PCBP2: variants seen among roughly 807,000 people sequenced by gnomAD.
PCBP2 encodes the protein poly(rC)-binding protein 2.
PCBP2 carries 4 observed loss-of-function variants against 50.1 expected under a neutral mutation model. The observed-to-expected ratio is 0.08, with a 90% CI of 0.04 to 0.18. PCBP2 has a LOEUF of 0.18. Among genes scored for constraint, PCBP2 ranks in the 10% least tolerant of loss-of-function variants. The pLI is 1.00. For synonymous variants in PCBP2, 179 were observed against 168.0 expected, an observed-to-expected ratio of 1.07 and a Z score of -0.51; for missense variants, 161 against 474.3, an observed-to-expected ratio of 0.34 and a Z score of 6.14.
chr12:53,474,471 T>C (rs1310648062), intron 14 of PCBP2, among the ~76,000 whole-genome samples: 1 of 152,266 alleles, frequency 6.6e-6, no homozygotes, highest in East Asian at 1.9e-4. Flanking sequence ...ATTGATTTTC[T>C]GTTAGAATAG....
chr12:53,465,472 A>G (rs1448505760), intron 9 of PCBP2, among the ~76,000 whole-genome samples: 2 of 152,142 alleles, frequency 1.3e-5, no homozygotes, highest in Non-Finnish European at 2.9e-5. Flanking sequence ...TAAGTTGGAG[A>G]AAGGGAAGTG....
chr12:53,459,451 A>G (rs1393008998), intron 6 of PCBP2, 48 bp downstream of exon 6: 2 of 1,567,252 alleles, frequency 1.3e-6, no homozygotes, highest in African/African-American at 2.7e-5. Flanking sequence ...ATTTGTTCCA[A>G]ATTGGCTCTT....
chr12:53,464,815 T>C lies in PCBP2; in HGVS notation c.635T>C (p.Met212Thr). The C allele has an allele frequency of 6.2e-7, 1 of 1,612,314 alleles. No individual in the cohort carries two copies. The highest frequency in any genetic ancestry group is 1.1e-5 in the South Asian group (1 of 90,794). The change falls in exon 9 of 15, where the codon ATG becomes ACG. Residue 212 changes from methionine (M) to threonine (T), a missense_variant. Met to Thr is a moderately conservative substitution (Grantham distance 81). Around this residue, in one of 7 missense-constraint regions of PCBP2, gnomAD observed 35 missense variants for 45.5 expected, o/e 0.77. Coordinates refer to ENST00000546463, the MANE Select transcript of PCBP2 (RefSeq NM_031989.5). Reference protein sequence around the residue: ...SASFPHTTPSMCLNPDLEGPP... With the variant: ...SASFPHTTPSTCLNPDLEGPP... ...AGCTTTCCCCACACCACCCCGTCCA[T>C]GTGCCTCAACCCTGACCTGGAGGGA...
intron 10 of PCBP2, 24 bp from the exon 11 acceptor site, chr12:53,467,197 C>T (rs373716677): frequency 1.3e-6 from 2 of 1,596,700 alleles, no homozygotes; most frequent in Admixed American, 3.4e-5. Context: ...CTTCTAATGC[C>T]AACCTCCTGT....
intron 5 of PCBP2, among the ~76,000 whole-genome samples, chr12:53,458,386 A>G (rs890460502): frequency 1.3e-5 from 2 of 151,438 alleles, no homozygotes; most frequent in African/African-American, 4.9e-5. Context: ...GCTCACAGCA[A>G]CCTCTTCCTC....
chr12:53,476,751 G>A (rs948526441), intron 14 of PCBP2, among the ~76,000 whole-genome samples: 2 of 152,190 alleles, frequency 1.3e-5, no homozygotes, highest in Admixed American at 6.5e-5. Flanking sequence ...AGTGTTACAC[G>A]TCTCAAGTAT....
Position 53,462,522 on chromosome 12 carries a change from C to T in PCBP2, c.534C>T (p.Tyr178=). 5 of 1,613,386 alleles carry T rather than the reference C, an allele frequency of 3.1e-6. No individual in the cohort carries two copies. Among genetic ancestry groups the T allele is most frequent in the Non-Finnish European group, 4.2e-6 (5 of 1,179,492 alleles). ...CCCCGAAGGGCGTGACCATCCCGTA[C>T]CGGCCCAAGCCGTCCAGCTCTCCGG... ...ESPPKGVTIP[Y]RPKPSSSPVI... Residue 178 remains tyrosine (Y), a synonymous_variant, in exon 8 of 15, where the codon TAC becomes TAT. Coordinates refer to ENST00000546463, the MANE Select transcript of PCBP2 (RefSeq NM_031989.5).
chr12:53,465,764 AT>A (rs1941775150), intron 9 of PCBP2, among the ~76,000 whole-genome samples, 167 bp from the exon 10 acceptor site: 1 of 152,224 alleles, frequency 6.6e-6, no homozygotes. Flanking sequence ...AAGAAGGCCA[AT>A]TTGGGTCTGA....
chr12:53,461,147 A>G lies in PCBP2; in HGVS notation c.504+4A>G, dbSNP rs1438856551. On this transcript the variant is annotated splice_donor_region_variant and intron_variant, in intron 7 of 14. Coordinates refer to ENST00000546463, the MANE Select transcript of PCBP2 (RefSeq NM_031989.5). ...GATCTGCGTGGTCATGTTGGAGGTA[A>G]GCCCTCAGGCTCATGCTGAAAATGG... is the stretch of plus-strand genomic sequence containing the variant. The G allele has an allele frequency of 6.2e-7, 1 of 1,613,618 alleles. No individual in the cohort carries two copies. Among genetic ancestry groups the G allele is most frequent in the African/African-American group, 1.3e-5 (1 of 74,900 alleles).
At chr12:53,468,498 TC>T (rs1376672407) in intron 12 of PCBP2, 3 of 455,492 alleles carry the variant, frequency 6.6e-6, no homozygotes, top group Non-Finnish European at 1.2e-5. Flanking sequence ...GATACCACAC[TC>T]CCTTGCCCTT....
chr12:53,473,731 A>G (rs568979920), intron 14 of PCBP2, among the ~76,000 whole-genome samples: 52 of 152,000 alleles, frequency 3.4e-4, no homozygotes, highest in Middle Eastern at 6.9e-3. Flanking sequence ...TTCTTTCTCA[A>G]CTTGGTGCAG....
chr12:53,465,928 G>A lies in PCBP2; in HGVS notation c.673-4G>A. The A allele has an allele frequency of 6.2e-7, 1 of 1,609,292 alleles. No individual in the cohort carries two copies. Among genetic ancestry groups the A allele is most frequent in the Non-Finnish European group, 8.5e-7 (1 of 1,176,950 alleles). On this transcript the variant is annotated splice_region_variant and splice_polypyrimidine_tract_variant and intron_variant, in intron 9 of 14. Coordinates refer to ENST00000546463, the MANE Select transcript of PCBP2 (RefSeq NM_031989.5). Reference sequence around the variant, plus strand: ...TAATAGGAACTGTTTTCCTCCTTTTGTAGGCCTATACCATTCAAGGACAGT... The same window carrying A: ...TAATAGGAACTGTTTTCCTCCTTTTATAGGCCTATACCATTCAAGGACAGT...
chr12:53,472,116 TG>T (rs1462107513), intron 14 of PCBP2, among the ~76,000 whole-genome samples: 1 of 152,232 alleles, frequency 6.6e-6, no homozygotes, highest in Admixed American at 6.5e-5. Context: ...AAATCAAATG[TG>T]GGTCTCTCTT....
chr12:53,462,539 G>C lies in PCBP2; in HGVS notation c.551G>C (p.Ser184Thr), dbSNP rs749400833. ...ATCCCGTACCGGCCCAAGCCGTCCA[G>C]CTCTCCGGTCATCTTTGCAGGTGGT... ...VTIPYRPKPS[S>T]SPVIFAGGQD... The change falls in exon 8 of 15, where the codon AGC becomes ACC. Residue 184 changes from serine to threonine, a missense_variant. By Grantham distance (58) the Ser-to-Thr change is moderately conservative (BLOSUM62 1). This residue lies in a region of PCBP2 where 35 missense variants were observed against 45.5 expected (regional missense o/e 0.77). Transcript: ENST00000546463. 3.1e-6 allele frequency: 5 copies of C among 1,613,574 alleles called. No individual in the cohort carries two copies. Among genetic ancestry groups the C allele is most frequent in the Non-Finnish European group, 3.4e-6 (4 of 1,179,614 alleles).
At chr12:53,457,702 C>T (rs1035788226) in intron 5 of PCBP2, among the ~76,000 whole-genome samples, 8 of 152,000 alleles carry the variant, frequency 5.3e-5, no homozygotes, top group Admixed American at 3.9e-4. Flanking sequence ...ACTGTTTATT[C>T]CTTAACCAAG....
intron 14 of PCBP2, among the ~76,000 whole-genome samples, chr12:53,477,502 A>G (rs1370006420): frequency 6.6e-6 from 1 of 151,892 alleles, no homozygotes; most frequent in Non-Finnish European, 1.5e-5. Flanking sequence ...CGACTCTACT[A>G]AAAACATAAA....
At chr12:53,455,576 G>A in intron 4 of PCBP2, 83 bp downstream of exon 4, 16 of 1,401,142 alleles carry the variant, frequency 1.1e-5, no homozygotes, top group Non-Finnish European at 1.6e-5. Flanking sequence ...CAGAAATTAG[G>A]AAGGTCTCAA....
chr12:53,453,610 G>A (rs1179775954), intron 1 of PCBP2, among the ~76,000 whole-genome samples: 1 of 152,222 alleles, frequency 6.6e-6, no homozygotes, highest in Non-Finnish European at 1.5e-5. Context: ...CTGGTTTTGT[G>A]AAGGAGGAAA....
chr12:53,475,643 A>C (rs1473827705), intron 14 of PCBP2: 1 of 167,730 alleles, frequency 6.0e-6, no homozygotes, highest in Non-Finnish European at 1.3e-5. Context: ...AAGTTGGCGC[A>C]GTAAGAACCT....
Sources: gnomAD v4.1 joint callset for allele counts (sites outside exome capture counted in the v4.1 genomes callset) on GRCh38, gnomAD v4.1.1 for gene constraint, gnomAD v4.1.1 regional missense constraint, MANE v1.5 for transcripts, NCBI Gene and HGNC (gene_info 2026-07-23, HGNC 2026-07-21) for gene names.